Variants in EBF2 observed in about 807,000 individuals in gnomAD.
The protein encoded by EBF2 is EBF transcription factor 2.
EBF2 carries 21 observed loss-of-function variants against 72.8 expected under a neutral mutation model. The observed-to-expected ratio is 0.29, with a 90% CI of 0.20 to 0.42. The LOEUF is 0.42. EBF2 is among the 10% of genes least tolerant of loss of function. EBF2 has a pLI of 1.00. For missense variants in EBF2, 637 were observed against 731.2 expected, an observed-to-expected ratio of 0.87 and a Z score of 1.49; for synonymous variants, 299 against 274.2, an observed-to-expected ratio of 1.09 and a Z score of -0.89.
rs542013909 is a variant in EBF2, at chr8:25,841,918, A to G, written c.*2691T>C. On this transcript the variant is annotated 3_prime_UTR_variant, in exon 16 of 16. Transcript: ENST00000520164. ...ATATAACTGACAAAGCAAAACAATA[A>G]AATGAAACTATACAGTGTGAAAATG... 6.6e-6 allele frequency: 1 copy of G among 152,348 alleles called. No individual in the cohort carries two copies. The highest frequency in any genetic ancestry group is 6.5e-5 in the Admixed American group (1 of 15,294). 9.4% of individuals were successfully genotyped at this position (152,348 alleles called of 1,614,324 possible).
chr8:25,901,562 G>T (rs971835564), intron 7 of EBF2, among the ~76,000 whole-genome samples: 3 of 152,084 alleles, frequency 2.0e-5, no homozygotes, highest in African/African-American at 7.2e-5. Context: ...CAATGATCAT[G>T]TATTTTTAAA....
At chr8:25,890,531 C>T (rs1298656957) in intron 7 of EBF2, among the ~76,000 whole-genome samples, 4 of 152,158 alleles carry the variant, frequency 2.6e-5, no homozygotes, top group Admixed American at 2.6e-4. Flanking sequence ...AAATCCCAGG[C>T]TTCTGTCCCC....
intron 6 of EBF2, among the ~76,000 whole-genome samples, chr8:25,961,874 A>G (rs1310106630): frequency 1.3e-5 from 2 of 152,230 alleles, no homozygotes; most frequent in South Asian, 2.1e-4. Flanking sequence ...CATTATTCTT[A>G]TCAAGTTAAA....
intron 6 of EBF2, among the ~76,000 whole-genome samples, chr8:25,937,935 T>A (rs949303211): frequency 6.6e-6 from 1 of 151,718 alleles, no homozygotes; most frequent in Non-Finnish European, 1.5e-5. Context: ...TCGCTTTACC[T>A]CCATACTACA....
At chr8:25,860,984 T>C in intron 13 of EBF2, 65 bp downstream of exon 13, 6 of 1,591,398 alleles carry the variant, frequency 3.8e-6, no homozygotes, top group East Asian at 2.2e-5. Flanking sequence ...CCTCTGACTC[T>C]GTCCACTCCA....
At chr8:25,849,278 A>G (rs898985783) in intron 15 of EBF2, among the ~76,000 whole-genome samples, 6 of 152,192 alleles carry the variant, frequency 3.9e-5, no homozygotes, top group African/African-American at 1.4e-4. Flanking sequence ...CTTGACTTCC[A>G]GAAGACACCA....
rs1451678922 is a variant in EBF2 at position 25,843,133 on chromosome 8, G to C, written c.*1476C>G. The C allele has an allele frequency of 6.6e-6, 1 of 152,346 alleles. No individual in the cohort carries two copies. The highest frequency in any genetic ancestry group is 1.5e-5 in the Non-Finnish European group (1 of 68,034). 9.4% of individuals were successfully genotyped at this position (152,346 alleles called of 1,614,324 possible). On this transcript the variant is annotated 3_prime_UTR_variant, in exon 16 of 16. Transcript: ENST00000520164. ...ACAAAACGATGAAGAGCCCATCAAA[G>C]GGCTGGGTAACTGTGCTGCATAGAA...
rs148868737 is a variant in EBF2 at position 25,868,290 on chromosome 8, T to C, written c.1010-5493A>G. ...GTGCCTTTTGGAATTTATTGCATTT[T>C]TGTGAATTAATACATATTAGTTTTG... On this transcript the variant is annotated intron_variant, in intron 10 of 15. Coordinates refer to ENST00000520164, the MANE Select transcript of EBF2 (RefSeq NM_022659.4). Among the ~76,000 whole-genome samples the C allele has an allele frequency of 3.3e-3, 509 of 152,366 alleles. 3 individuals are homozygous for C. The highest frequency in any genetic ancestry group is 0.011 in the African/African-American group (453 of 41,582).
intron 6 of EBF2, among the ~76,000 whole-genome samples, chr8:25,915,784 T>C (rs1803204635): frequency 6.6e-6 from 1 of 152,080 alleles, no homozygotes; most frequent in Non-Finnish European, 1.5e-5. Flanking sequence ...TTGGAAGCAT[T>C]TACCCAAGGG....
chr8:25,969,913 G>A (rs539508244), intron 6 of EBF2, among the ~76,000 whole-genome samples: 1 of 152,300 alleles, frequency 6.6e-6, no homozygotes, highest in East Asian at 1.9e-4. Context: ...TCAAAGGGGC[G>A]ATGTGTAAGG....
intron 6 of EBF2, among the ~76,000 whole-genome samples, chr8:25,954,833 G>A (rs1196697204): frequency 6.6e-6 from 1 of 152,176 alleles, no homozygotes; most frequent in Non-Finnish European, 1.5e-5. Flanking sequence ...TGGAGGACAT[G>A]GATACTCAGT....
chr8:25,987,284 C>G (rs776359314), intron 6 of EBF2, among the ~76,000 whole-genome samples: 2 of 152,090 alleles, frequency 1.3e-5, no homozygotes, highest in Non-Finnish European at 2.9e-5. Flanking sequence ...GTATTGAGAC[C>G]TTAACTGTGT....
chr8:25,993,326 T>A (rs1002258358), intron 6 of EBF2, among the ~76,000 whole-genome samples: 1 of 152,218 alleles, frequency 6.6e-6, no homozygotes, highest in African/African-American at 2.4e-5. Context: ...ATTGGCCACA[T>A]CTGTTAGCAG....
intron 7 of EBF2, among the ~76,000 whole-genome samples, chr8:25,903,483 C>T (rs1311332963): frequency 6.6e-6 from 1 of 152,042 alleles, no homozygotes; most frequent in East Asian, 1.9e-4. Context: ...ATCACGAGGT[C>T]AGGAAATCGA....
chr8:25,976,194 C>T (rs1194448642), intron 6 of EBF2, among the ~76,000 whole-genome samples: 1 of 152,188 alleles, frequency 6.6e-6, no homozygotes, highest in Non-Finnish European at 1.5e-5. Context: ...GTCTTCATCG[C>T]TTTTCATAGA....
intron 6 of EBF2, among the ~76,000 whole-genome samples, chr8:25,956,477 AT>A (rs1803950122): frequency 6.6e-6 from 1 of 152,092 alleles, no homozygotes; most frequent in Admixed American, 6.5e-5. Context: ...TGTTACATGG[AT>A]ATATTGCAGA....
chr8:26,013,912 A>G (rs1805067623), intron 6 of EBF2, among the ~76,000 whole-genome samples: 1 of 152,150 alleles, frequency 6.6e-6, no homozygotes, highest in Admixed American at 6.5e-5. Context: ...CCAAACCATC[A>G]GGCTCTTTCC....
At chr8:25,870,962 T>C (rs1469591682) in intron 10 of EBF2, among the ~76,000 whole-genome samples, 2 of 152,230 alleles carry the variant, frequency 1.3e-5, no homozygotes, top group Admixed American at 1.3e-4. Context: ...CAGAATTTCA[T>C]TTAATCAAGT....
chr8:25,946,326 A>G (rs1035507347), intron 6 of EBF2, among the ~76,000 whole-genome samples: 1 of 152,320 alleles, frequency 6.6e-6, no homozygotes, highest in East Asian at 1.9e-4. Flanking sequence ...AGCAAGACCT[A>G]TACCTTCTTC....
Sources: gnomAD v4.1 joint callset for allele counts (sites outside exome capture counted in the v4.1 genomes callset) on GRCh38, gnomAD v4.1.1 for gene constraint, MANE v1.5 for transcripts, NCBI Gene and HGNC (gene_info 2026-07-23, HGNC 2026-07-21) for gene names.